The following PCDHGA4 variants were observed in gnomAD, a reference collection of about 807,000 sequenced individuals.
The protein encoded by PCDHGA4 is protocadherin gamma-A4.
Under a neutral mutation model 54.6 loss-of-function variants are expected in PCDHGA4, and 38 were observed. That is an observed-to-expected ratio of 0.70 (90% CI 0.54 to 0.91). PCDHGA4 has a LOEUF of 0.91. Ranked by LOEUF, PCDHGA4 falls within the 40% of genes least tolerant of loss-of-function variation. PCDHGA4 has a pLI of 0.00. For synonymous variants in PCDHGA4, 511 were observed against 512.9 expected (o/e 1.00, Z 0.05); for missense variants, 1,298 against 1,220.9 (o/e 1.06, Z -0.94).
intron 1 of PCDHGA4, chr5:141,403,018 G>A (rs752656852): frequency 9.3e-6 from 15 of 1,613,966 alleles, no homozygotes; most frequent in South Asian, 1.1e-5. Context: ...TCCTGGGGAT[G>A]CTATGGGAGG....
intron 1 of PCDHGA4, chr5:141,404,914 C>T (rs1423848318): frequency 1.2e-6 from 2 of 1,613,948 alleles, no homozygotes; most frequent in Non-Finnish European, 1.7e-6. Flanking sequence ...AGCCCCCTCT[C>T]TCGGCCACTG....
intron 1 of PCDHGA4, chr5:141,374,756 G>A (rs968410543): frequency 2.5e-6 from 4 of 1,612,954 alleles, no homozygotes; most frequent in Non-Finnish European, 2.5e-6. Flanking sequence ...CCGCTCAAGC[G>A]TCGCCCAAAT....
At chr5:141,415,881 T>C (rs1589997447) in intron 1 of PCDHGA4, 1 of 1,003,346 alleles carries the variant, frequency 1.0e-6, no homozygotes, top group Non-Finnish European at 1.3e-6. Context: ...GAGTACAATA[T>C]TGACAATTCC....
chr5:141,421,505 G>A (rs745883683), intron 1 of PCDHGA4: 3 of 1,614,058 alleles, frequency 1.9e-6, no homozygotes, highest in South Asian at 1.1e-5. Context: ...AGGATAGACC[G>A]GGAGGAGCTC....
At chr5:141,364,659 T>G in intron 1 of PCDHGA4, 1 of 1,614,020 alleles carries the variant, frequency 6.2e-7, no homozygotes, top group Non-Finnish European at 8.5e-7. Flanking sequence ...AACATCTTGG[T>G]TGAGAACAAA....
At chr5:141,382,318 T>A (rs1233432296) in intron 1 of PCDHGA4, among the ~76,000 whole-genome samples, 1 of 152,250 alleles carries the variant, frequency 6.6e-6, no homozygotes, top group African/African-American at 2.4e-5. Context: ...TACACTGATG[T>A]AAATATTTTC....
intron 1 of PCDHGA4, among the ~76,000 whole-genome samples, chr5:141,425,699 G>A (rs535043616): frequency 6.6e-6 from 1 of 152,260 alleles, no homozygotes; most frequent in Non-Finnish European, 1.5e-5. Context: ...ATTTCATAGT[G>A]GTCAAAATTT....
At chr5:141,399,475 C>T (rs1561669837) in intron 1 of PCDHGA4, 1 of 1,614,022 alleles carries the variant, frequency 6.2e-7, no homozygotes. Context: ...GGTTTTCCAC[C>T]AGGCGTCCTA....
At chr5:141,393,806 C>CA in intron 1 of PCDHGA4, 12 of 1,613,866 alleles carry the variant, frequency 7.4e-6, no homozygotes, top group Non-Finnish European at 1.0e-5. Flanking sequence ...TGGGGAGGAC[C>CA]AAATTGCTCA....
chr5:141,413,865 C>A, intron 1 of PCDHGA4: 2 of 1,613,388 alleles, frequency 1.2e-6, no homozygotes, highest in Non-Finnish European at 1.7e-6. Context: ...CTGGCACTGT[C>A]CTTGTCAGTG....
intron 1 of PCDHGA4, chr5:141,383,013 G>T: frequency 6.2e-7 from 1 of 1,613,828 alleles, no homozygotes; most frequent in South Asian, 1.1e-5. Context: ...TGTCGGAGGA[G>T]ACGGACAAAG....
intron 1 of PCDHGA4, chr5:141,389,156 T>C (rs2091626888): frequency 6.2e-7 from 1 of 1,613,950 alleles, no homozygotes; most frequent in Non-Finnish European, 8.5e-7. Flanking sequence ...CGGCAACAGA[T>C]CGGGGCAAGC....
chr5:141,377,871 C>T (rs1490492398), intron 1 of PCDHGA4: 1 of 152,290 alleles, frequency 6.6e-6, no homozygotes, highest in East Asian at 1.9e-4. Flanking sequence ...AAAGACTTCT[C>T]TTATCAGAGA....
At chr5:141,408,111 C>A (rs1477598232) in intron 1 of PCDHGA4, 7 of 1,455,108 alleles carry the variant, frequency 4.8e-6, no homozygotes, top group African/African-American at 4.3e-5. Context: ...ACCCGGGACT[C>A]CTCCTGTCCT....
In PCDHGA4 at chr5:141,432,916, G is replaced by C; in HGVS notation, c.2515-61891G>C. ...TGCTGGCGCTCAGGCTGCGGCGCTG[G>C]CACAAGTCACGCCTGCTGCAGGCTT... On this transcript the variant is annotated intron_variant, in intron 1 of 3. Coordinates refer to ENST00000571252, the MANE Select transcript of PCDHGA4 (RefSeq NM_018917.4). The surrounding 1 kb of genome is among the most constrained non-coding windows in gnomAD (Gnocchi z 6.0). 1 of 1,614,196 alleles carries C rather than the reference G, an allele frequency of 6.2e-7. No homozygotes were observed. The highest frequency in any genetic ancestry group is 8.5e-7 in the Non-Finnish European group (1 of 1,180,040).
rs771106873 is a variant in PCDHGA4, at chr5:141,426,860, A to C, written c.2515-67947A>C. 5 of 456,702 alleles carry C rather than the reference A, an allele frequency of 1.1e-5. No individual in the cohort carries two copies. In the Admixed American group the frequency reaches 1.2e-4, roughly 11 times the overall value. The allele number at this position is 456,702 out of a possible 1,614,324, so 28.3% of individuals were successfully genotyped here. A position where few individuals can be genotyped will look rare whatever the true frequency, so the allele number is the denominator to read the frequency against. On this transcript the variant is annotated intron_variant, in intron 1 of 3. Transcript: ENST00000571252. ...CTAAAGGCAAGAACGCTCCAGAATT[A>C]GTGCTGGAGAAGCCCCTGGGCCAGG...
At chr5:141,505,767 AGGTCCTAGCTCT>A (rs2099848180) in intron 3 of PCDHGA4, among the ~76,000 whole-genome samples, 1 of 151,756 alleles carries the variant, frequency 6.6e-6, no homozygotes, top group Non-Finnish European at 1.5e-5. Context: ...AGTGTAGCTC[AGGTCCTAGCTCT>A]GCTACTATCC....
In PCDHGA4 at chr5:141,432,112, C is replaced by T; in HGVS notation, c.2515-62695C>T. ...CAGACACCAACGACAACCCGCCGGT[C>T]TTCCCTCAGGCCTCCTATTCCGCTT... On this transcript the variant is annotated intron_variant, in intron 1 of 3. Transcript: ENST00000571252. The surrounding 1 kb of genome is among the most constrained non-coding windows in gnomAD (Gnocchi z 6.0). 1 of 1,614,186 alleles carries T rather than the reference C, an allele frequency of 6.2e-7. No individual in the cohort carries two copies. The highest frequency in any genetic ancestry group is 8.5e-7 in the Non-Finnish European group (1 of 1,180,042).
chr5:141,374,187 T>C (rs1770247069), intron 1 of PCDHGA4: 2 of 1,613,640 alleles, frequency 1.2e-6, no homozygotes, highest in Non-Finnish European at 1.7e-6. Context: ...CGCTACTCTA[T>C]TCCCGAGGAG....
Sources: gnomAD v4.1 joint callset for allele counts (sites outside exome capture counted in the v4.1 genomes callset) on GRCh38, gnomAD v4.1.1 for gene constraint, Gnocchi (gnomAD v3.1) non-coding constraint, MANE v1.5 for transcripts, NCBI Gene and HGNC (gene_info 2026-07-23, HGNC 2026-07-21) for gene names.